The following RELN variants were observed in gnomAD, a reference collection of about 807,000 sequenced individuals.
RELN encodes reelin.
A neutral mutation model predicts 427.6 loss-of-function variants in RELN; 108 were observed. The ratio of observed to expected loss-of-function variants is 0.25; its 90% CI spans 0.22 to 0.30. The LOEUF is 0.30. Ranked by LOEUF, RELN falls within the 10% of genes least tolerant of loss-of-function variation. The probability of loss-of-function intolerance (pLI) is 1.00; values close to 1 mark genes in which losing one functional copy is unlikely to be tolerated. For missense variants in RELN, 3,715 were observed against 4,302.8 expected (o/e 0.86, Z 3.82); for synonymous variants, 1,524 against 1,513.4 (o/e 1.01, Z -0.16).
chr7:103,624,979 C>A (rs1362824770), intron 20 of RELN, among the ~76,000 whole-genome samples: 2 of 152,140 alleles, frequency 1.3e-5, no homozygotes, highest in East Asian at 3.8e-4. Flanking sequence ...CTACAGGTAT[C>A]CATCTTTAAA....
chr7:103,805,890 C>G (rs554968061), intron 3 of RELN, among the ~76,000 whole-genome samples: 2 of 152,250 alleles, frequency 1.3e-5, no homozygotes, highest in South Asian at 4.1e-4. Flanking sequence ...TTCTTAACAG[C>G]TATTCCATGG....
intron 1 of RELN, among the ~76,000 whole-genome samples, chr7:103,957,605 C>T (rs1339353772): frequency 1.3e-5 from 2 of 152,190 alleles, no homozygotes; most frequent in Admixed American, 6.5e-5. Context: ...CATGCTCACA[C>T]GTGCTCACTC....
intron 20 of RELN, among the ~76,000 whole-genome samples, chr7:103,614,007 C>A (rs540795807): frequency 1.3e-5 from 2 of 152,012 alleles, no homozygotes; most frequent in South Asian, 2.1e-4. Flanking sequence ...AATGTAACTA[C>A]GAAATTGGCT....
At chr7:103,574,834 T>G (rs1320004504) in intron 29 of RELN, among the ~76,000 whole-genome samples, 1 of 152,192 alleles carries the variant, frequency 6.6e-6, no homozygotes, top group Non-Finnish European at 1.5e-5. Context: ...AAAAAAAGAT[T>G]TTGAAGCTTA....
intron 1 of RELN, among the ~76,000 whole-genome samples, chr7:103,919,199 G>C (rs1795558353): frequency 6.9e-6 from 1 of 144,224 alleles, no homozygotes. Flanking sequence ...TGGGATTTAA[G>C]GCATATCTTT....
chr7:103,540,859 G>C (rs362751), intron 43 of RELN, among the ~76,000 whole-genome samples: 2,784 of 148,586 alleles, frequency 0.019, 82 homozygotes, highest in African/African-American at 0.069. Flanking sequence ...TTTGAAACGG[G>C]AAGAATGTAA....
At chr7:103,553,121 C>T (rs1257479659) in intron 40 of RELN, among the ~76,000 whole-genome samples, 1 of 151,934 alleles carries the variant, frequency 6.6e-6, no homozygotes, top group Non-Finnish European at 1.5e-5. Flanking sequence ...TTACATTGAC[C>T]TAGTCCCTAA....
chr7:103,608,526 A>G (rs971624062), intron 22 of RELN, among the ~76,000 whole-genome samples: 1 of 152,192 alleles, frequency 6.6e-6, no homozygotes, highest in Non-Finnish European at 1.5e-5. Flanking sequence ...TTTATCTAAC[A>G]TCATAATATT....
At chr7:103,823,828 C>A (rs757114044) in intron 3 of RELN, among the ~76,000 whole-genome samples, 3 of 151,968 alleles carry the variant, frequency 2.0e-5, no homozygotes, top group Admixed American at 1.3e-4. Flanking sequence ...GAAGGGCATC[C>A]TTTAAAATTT....
chr7:103,492,064 T>G (rs1828691862), intron 57 of RELN, 38 bp from the exon 58 acceptor site: 1 of 1,439,880 alleles, frequency 6.9e-7, no homozygotes, highest in Non-Finnish European at 9.8e-7. Context: ...CAGGTAAGAT[T>G]AGATGATACT....
intron 51 of RELN, among the ~76,000 whole-genome samples, chr7:103,509,488 T>C (rs993676133): frequency 1.3e-5 from 2 of 152,220 alleles, no homozygotes; most frequent in African/African-American, 4.8e-5. Context: ...CCTTACACCT[T>C]ATTCAAAAAT....
rs114193884 is a variant in RELN at position 103,866,983 on chromosome 7, A to T, written c.338-33311T>A. ...CCTAACAGATCAATACGTTTCAAGG[A>T]TTAAACACCAGGAGATATGTAAAAT... On this transcript the variant is annotated intron_variant, in intron 2 of 64. Coordinates refer to ENST00000428762, the MANE Select transcript of RELN (RefSeq NM_005045.4). 3.0e-3 allele frequency among the ~76,000 whole-genome samples: 463 copies of T among 152,232 alleles called. 3 individuals are homozygous for T. The highest frequency in any genetic ancestry group is 0.014 in the Middle Eastern group (4 of 294).
At chr7:103,942,790 T>C (rs1010300151) in intron 1 of RELN, among the ~76,000 whole-genome samples, 2 of 152,126 alleles carry the variant, frequency 1.3e-5, no homozygotes, top group Admixed American at 6.5e-5. Flanking sequence ...CACGTGCCTG[T>C]AGTCCCCGCT....
intron 11 of RELN, 54 bp downstream of exon 11, chr7:103,682,062 A>G (rs1833664215): frequency 1.3e-6 from 2 of 1,531,824 alleles, no homozygotes; most frequent in South Asian, 1.1e-5. Flanking sequence ...AAACACGTCC[A>G]GTAGAATAAA....
At chr7:103,941,758 G>A (rs144654912) in intron 1 of RELN, among the ~76,000 whole-genome samples, 1 of 151,982 alleles carries the variant, frequency 6.6e-6, no homozygotes, top group Non-Finnish European at 1.5e-5. Context: ...GGTAATCAAA[G>A]AGCTGGTGAC....
chr7:103,615,461 C>A (rs536389758), intron 20 of RELN, among the ~76,000 whole-genome samples: 2 of 152,282 alleles, frequency 1.3e-5, no homozygotes, highest in African/African-American at 4.8e-5. Context: ...ATACCTTATT[C>A]ATCTCTGCAT....
rs764663812 is a variant in RELN at position 103,539,146 on chromosome 7, G to A, written c.7112C>T (p.Ala2371Val). 6.2e-7 allele frequency: 1 copy of A among 1,614,176 alleles called. No homozygotes were observed. The highest frequency in any genetic ancestry group is 1.1e-5 in the South Asian group (1 of 91,084). ...CTGTAGGAAGGAATCCTCATTCACGGCAACGTCTGTGCTGACCACGTAACG... is the reference window on the plus strand; with the variant it reads ...CTGTAGGAAGGAATCCTCATTCACGACAACGTCTGTGCTGACCACGTAACG... ...STRYVVSTDV[A>V]VNEDSFLQID... Residue 2371 changes from alanine to valine, a missense_variant, in exon 45 of 65, where the codon GCC becomes GTC. By Grantham distance (64) the Ala-to-Val change is moderately conservative (BLOSUM62 0). This residue lies in a region of RELN where 1,310 missense variants were observed against 1,643.0 expected (regional missense o/e 0.80). Transcript: ENST00000428762.
chr7:103,540,666 T>A (rs1442857584), intron 43 of RELN, among the ~76,000 whole-genome samples: 1 of 152,040 alleles, frequency 6.6e-6, no homozygotes, highest in Non-Finnish European at 1.5e-5. Context: ...AAAAGGCAAT[T>A]CTGCACCCAT....
chr7:103,911,548 T>C (rs1288578818), intron 2 of RELN, among the ~76,000 whole-genome samples: 1 of 149,864 alleles, frequency 6.7e-6, no homozygotes. Flanking sequence ...TAAAGACACA[T>C]GCACACGTAT....
Sources: gnomAD v4.1 joint callset for allele counts (sites outside exome capture counted in the v4.1 genomes callset) on GRCh38, gnomAD v4.1.1 for gene constraint, gnomAD v4.1.1 regional missense constraint, MANE v1.5 for transcripts, NCBI Gene and HGNC (gene_info 2026-07-23, HGNC 2026-07-21) for gene names.